The following DNER variants were observed in gnomAD, a reference collection of about 807,000 sequenced individuals.
DNER encodes delta and Notch-like epidermal growth factor-related receptor.
A neutral mutation model predicts 78.2 loss-of-function variants in DNER; 33 were observed. The ratio of observed to expected loss-of-function variants is 0.42; its 90% CI spans 0.32 to 0.56. DNER has a LOEUF of 0.56. Among genes scored for constraint, DNER ranks in the 20% least tolerant of loss-of-function variants. The pLI is 0.11. For synonymous variants in DNER, 417 were observed against 384.8 expected (o/e 1.08, Z -0.98); for missense variants, 918 against 975.3 (o/e 0.94, Z 0.78).
At chr2:229,546,504 G>A (rs1266279466) in intron 5 of DNER, among the ~76,000 whole-genome samples, 1 of 152,246 alleles carries the variant, frequency 6.6e-6, no homozygotes. Flanking sequence ...GGGAGGCCAA[G>A]GCGGGGGGAT....
chr2:229,550,132 A>ACAGGCG, intron 4 of DNER, among the ~76,000 whole-genome samples: 1 of 151,680 alleles, frequency 6.6e-6, no homozygotes, highest in African/African-American at 2.4e-5. Flanking sequence ...ACCTGGGATT[A>ACAGGCG]CATATACGCG....
At chr2:229,425,469 C>G (rs1259618554) in intron 8 of DNER, among the ~76,000 whole-genome samples, 1 of 152,116 alleles carries the variant, frequency 6.6e-6, no homozygotes, top group Non-Finnish European at 1.5e-5. Context: ...GCCCACAGAC[C>G]CTGACCTGCT....
chr2:229,436,090 C>T (rs1046442238), intron 8 of DNER, among the ~76,000 whole-genome samples: 3 of 151,966 alleles, frequency 2.0e-5, no homozygotes, highest in African/African-American at 7.3e-5. Flanking sequence ...AGTAGTTTTT[C>T]GACCCTCATC....
intron 8 of DNER, among the ~76,000 whole-genome samples, chr2:229,441,441 G>T (rs1489439295): frequency 6.6e-6 from 1 of 152,106 alleles, no homozygotes; most frequent in Non-Finnish European, 1.5e-5. Context: ...TGGGAATCGT[G>T]GAGTGTCTCA....
intron 1 of DNER, among the ~76,000 whole-genome samples, chr2:229,647,719 G>A (rs1282047227): frequency 2.0e-5 from 3 of 152,208 alleles, no homozygotes; most frequent in Admixed American, 6.5e-5. Context: ...TCTGGATGAC[G>A]AACTGTCAGT....
At chr2:229,574,882 TC>T (rs1697270398) in intron 4 of DNER, among the ~76,000 whole-genome samples, 1 of 152,156 alleles carries the variant, frequency 6.6e-6, no homozygotes, top group Admixed American at 6.5e-5. Context: ...AAAATTACTT[TC>T]TTAGTTGAAA....
intron 6 of DNER, among the ~76,000 whole-genome samples, chr2:229,511,035 T>C (rs1695855595): frequency 6.6e-6 from 1 of 152,176 alleles, no homozygotes; most frequent in South Asian, 2.1e-4. Context: ...ATACGAAATA[T>C]TAACCTATCC....
chr2:229,596,815 T>C (rs1210259787), intron 1 of DNER, among the ~76,000 whole-genome samples: 2 of 152,212 alleles, frequency 1.3e-5, no homozygotes, highest in Non-Finnish European at 1.5e-5. Context: ...GGAGAAACAC[T>C]CTTAGTGAAG....
intron 1 of DNER, among the ~76,000 whole-genome samples, chr2:229,677,852 T>C (rs1050552074): frequency 6.6e-6 from 1 of 152,198 alleles, no homozygotes; most frequent in African/African-American, 2.4e-5. Flanking sequence ...ATTGTTCTCT[T>C]ACAGATGGAA....
chr2:229,692,200 C>T (rs1332808324), intron 1 of DNER, among the ~76,000 whole-genome samples: 2 of 152,202 alleles, frequency 1.3e-5, no homozygotes, highest in African/African-American at 2.4e-5. Flanking sequence ...CTAATACATA[C>T]AATGTAGAAG....
rs1053713405 is a variant in DNER at position 229,369,709 on chromosome 2, T to A, written c.1856-2590A>T. Among the ~76,000 whole-genome samples the A allele has an allele frequency of 3.9e-5, 6 of 152,202 alleles. No individual in the cohort carries two copies. The East Asian group carries it at 7.7e-4, about 20-fold the overall frequency. Reference sequence around the variant, plus strand: ...CAGGAAAAACTGGAAGGACACAATGTAATCTCTGTGATTGGCGTAGGTCAA... The same window carrying A: ...CAGGAAAAACTGGAAGGACACAATGAAATCTCTGTGATTGGCGTAGGTCAA... On this transcript the variant is annotated intron_variant, in intron 11 of 12. Coordinates refer to ENST00000341772, the MANE Select transcript of DNER (RefSeq NM_139072.4).
At chr2:229,403,180 A>G (rs1693305450) in intron 10 of DNER, among the ~76,000 whole-genome samples, 1 of 152,172 alleles carries the variant, frequency 6.6e-6, no homozygotes, top group Admixed American at 6.6e-5. Context: ...GCCAAGTGTA[A>G]CTTCTGCTAA....
intron 7 of DNER, among the ~76,000 whole-genome samples, chr2:229,462,457 T>G (rs1169888184): frequency 6.6e-6 from 1 of 152,070 alleles, no homozygotes; most frequent in Non-Finnish European, 1.5e-5. Flanking sequence ...GAGTCATACC[T>G]GATTGTTTTT....
intron 7 of DNER, among the ~76,000 whole-genome samples, chr2:229,473,968 C>T (rs1379790973): frequency 1.3e-5 from 2 of 152,060 alleles, no homozygotes; most frequent in African/African-American, 4.8e-5. Flanking sequence ...TACAGTGGCA[C>T]AATCTCGGTT....
At chr2:229,706,662 C>T (rs776018895) in intron 1 of DNER, among the ~76,000 whole-genome samples, 4 of 152,200 alleles carry the variant, frequency 2.6e-5, no homozygotes, top group African/African-American at 4.8e-5. Flanking sequence ...ACAACACTTA[C>T]GCAAACGTAT....
intron 6 of DNER, among the ~76,000 whole-genome samples, chr2:229,488,506 G>C (rs887545234): frequency 2.6e-5 from 4 of 152,228 alleles, no homozygotes; most frequent in Admixed American, 2.0e-4. Context: ...TCTTGCGTGT[G>C]TGTTTTCTTT....
chr2:229,532,799 T>C (rs981375068), intron 5 of DNER, among the ~76,000 whole-genome samples: 4 of 152,252 alleles, frequency 2.6e-5, no homozygotes, highest in Non-Finnish European at 4.4e-5. Flanking sequence ...TTTCATTTTA[T>C]TTTTCAACAG....
intron 1 of DNER, among the ~76,000 whole-genome samples, chr2:229,593,879 A>T (rs1292366617): frequency 6.6e-6 from 1 of 152,268 alleles, no homozygotes; most frequent in Non-Finnish European, 1.5e-5. Flanking sequence ...ACATGCATTA[A>T]AAAGGCAGAA....
At chr2:229,403,883 T>C (rs1693324946) in intron 10 of DNER, among the ~76,000 whole-genome samples, 1 of 152,144 alleles carries the variant, frequency 6.6e-6, no homozygotes, top group Non-Finnish European at 1.5e-5. Context: ...CTGGAAAGGC[T>C]GGATGGGGCC....
Sources: allele counts gnomAD v4.1 joint callset (sites outside exome capture counted in the v4.1 genomes callset), GRCh38; gene constraint gnomAD v4.1.1; transcripts MANE v1.5; gene names NCBI Gene and HGNC (gene_info 2026-07-23, HGNC 2026-07-21).